PIEZO2: variants seen among roughly 807,000 people sequenced by gnomAD.
PIEZO2 encodes piezo-type mechanosensitive ion channel component 2.
A neutral mutation model predicts 337.3 loss-of-function variants in PIEZO2; 172 were observed. The observed-to-expected ratio is 0.51, with a 90% CI of 0.45 to 0.58. The LOEUF (loss-of-function observed/expected upper bound fraction) is 0.58. Ranked by LOEUF, PIEZO2 falls within the 20% of genes least tolerant of loss-of-function variation. The pLI, the probability that PIEZO2 is intolerant of heterozygous loss-of-function variation, is 0.00. For synonymous variants in PIEZO2, 1,251 were observed against 1,228.5 expected (o/e 1.02, Z -0.38); for missense variants, 3,028 against 3,391.3 (o/e 0.89, Z 2.66).
At chr18:11,130,965 A>G (rs1486824921) in intron 1 of PIEZO2, among the ~76,000 whole-genome samples, 1 of 152,222 alleles carries the variant, frequency 6.6e-6, no homozygotes, top group African/African-American at 2.4e-5. Flanking sequence ...AGCAGATCCA[A>G]TGGTGTTTGA....
chr18:10,683,235 CACTAGCCATAGATT>C (rs1290741812), intron 49 of PIEZO2, among the ~76,000 whole-genome samples: 2 of 152,242 alleles, frequency 1.3e-5, no homozygotes, highest in East Asian at 3.8e-4. Context: ...TACCCATAGG[CACTAGCCATAGATT>C]ACACACCAGG....
intron 9 of PIEZO2, among the ~76,000 whole-genome samples, chr18:10,802,542 T>C (rs1164853087): frequency 6.6e-6 from 1 of 152,236 alleles, no homozygotes; most frequent in East Asian, 1.9e-4. Context: ...TGCATATCTA[T>C]TTAATGTCTA....
intron 4 of PIEZO2, among the ~76,000 whole-genome samples, chr18:10,881,235 A>T (rs2042412120): frequency 6.6e-6 from 1 of 151,946 alleles, no homozygotes; most frequent in Admixed American, 6.5e-5. Context: ...ATATGTATGT[A>T]TGTATGTATG....
chr18:10,698,012 C>CGGATGCATTTGTGAACAAGTACTGA, intron 44 of PIEZO2, 132 bp from the exon 45 acceptor site: 1 of 1,062,350 alleles, frequency 9.4e-7, no homozygotes, highest in Non-Finnish European at 1.3e-6. Flanking sequence ...TGAGTATGCA[C>CGGATGCATTTGTGAACAAGTACTGA]GGCCTTGGGA....
chr18:10,732,176 C>T (rs2144077374), intron 35 of PIEZO2, among the ~76,000 whole-genome samples: 1 of 152,146 alleles, frequency 6.6e-6, no homozygotes, highest in South Asian at 2.1e-4. Context: ...TAACTGAGAA[C>T]CAGGAAAGAG....
intron 2 of PIEZO2, among the ~76,000 whole-genome samples, chr18:10,983,099 C>A (rs1269709477): frequency 2.0e-5 from 3 of 152,146 alleles, no homozygotes; most frequent in African/African-American, 7.2e-5. Flanking sequence ...CCATATATTG[C>A]TCAGAAACAT....
chr18:10,689,916 T>A, intron 48 of PIEZO2, 114 bp from the exon 49 acceptor site: 1 of 1,253,852 alleles, frequency 8.0e-7, no homozygotes, highest in Non-Finnish European at 1.1e-6. Context: ...TCAGAAACAA[T>A]TCTCTAGGTG....
At chr18:10,871,446 A>G (rs1598610385) in intron 4 of PIEZO2, 31 bp from the exon 5 acceptor site, 1 of 1,517,214 alleles carries the variant, frequency 6.6e-7, no homozygotes, top group Non-Finnish European at 8.8e-7. Flanking sequence ...GAGGGGAAAA[A>G]AATTTAGTTC....
Position 10,746,398 on chromosome 18 carries a change from G to A in PIEZO2, c.4424+2073C>T, listed in dbSNP as rs28464101. 2.9e-3 allele frequency among the ~76,000 whole-genome samples: 447 copies of A among 152,236 alleles called. 2 individuals carry two copies. Among genetic ancestry groups the A allele is most frequent in the African/African-American group, 0.01 (435 of 41,538 alleles). On this transcript the variant is annotated intron_variant, in intron 30 of 55. Coordinates refer to ENST00000674853, the MANE Select transcript of PIEZO2 (RefSeq NM_001378183.1). This position sits in a 1 kb window ranked among gnomAD's most constrained non-coding sequence, Gnocchi z 4.2. ...GAGCTTCTGATGGCTACTTCCCTCCGTAGTTTCACTGGGCTGCTTCCCCTG... is the reference window on the plus strand; with the variant it reads ...GAGCTTCTGATGGCTACTTCCCTCCATAGTTTCACTGGGCTGCTTCCCCTG...
chr18:10,843,134 A>C (rs2041246152), intron 7 of PIEZO2, among the ~76,000 whole-genome samples: 2 of 152,212 alleles, frequency 1.3e-5, no homozygotes, highest in Non-Finnish European at 2.9e-5. Context: ...GCTTATCTAC[A>C]ATCAAACTGA....
At chr18:10,674,896 G>A (rs969741782) in intron 54 of PIEZO2, among the ~76,000 whole-genome samples, 13 of 152,210 alleles carry the variant, frequency 8.5e-5, no homozygotes, top group Non-Finnish European at 1.6e-4. Flanking sequence ...GTATGAGGCA[G>A]TTTCCTGTCA....
At position 11,116,727 on chromosome 18, in the gene PIEZO2, G is replaced by GA. The variant is rs553057306; in HGVS notation, c.64+31797dup. Among the ~76,000 whole-genome samples, 3,294 of 144,386 alleles carry GA rather than the reference G, an allele frequency of 0.023. 61 individuals are homozygous for GA. The highest frequency in any genetic ancestry group is 0.055 in the Middle Eastern group (15 of 272). 94.7% of individuals were successfully genotyped at this position (144,386 alleles called of 152,430 possible). ...GAGACTCCGTCTCAAAAAAAACAAA[G>GA]AAAAAAAAAAATCATTCCATTTATC... is the stretch of plus-strand genomic sequence containing the variant. On this transcript the variant is annotated intron_variant, in intron 1 of 55. Coordinates refer to ENST00000674853, the MANE Select transcript of PIEZO2 (RefSeq NM_001378183.1). This position sits in a 1 kb window ranked among gnomAD's most constrained non-coding sequence, Gnocchi z 5.0.
In PIEZO2 at chr18:10,684,356, A is replaced by G. The variant is rs537657063; in HGVS notation, c.7498-2064T>C. 8.2e-3 allele frequency among the ~76,000 whole-genome samples: 1,233 copies of G among 150,328 alleles called. 13 individuals are homozygous for G. The highest frequency in any genetic ancestry group is 0.013 in the Non-Finnish European group (851 of 67,638). ...AATTTTTTGTATTTTTAGTAGAGAC[A>G]GGGTTTCACCATGTTAGCCAGGGTG... is the stretch of plus-strand genomic sequence containing the variant. On this transcript the variant is annotated intron_variant, in intron 49 of 55. Coordinates refer to ENST00000674853, the MANE Select transcript of PIEZO2 (RefSeq NM_001378183.1).
rs986182598 is a variant in PIEZO2, at chr18:10,853,418, C to T, written c.917+1935G>A. 6.6e-6 allele frequency among the ~76,000 whole-genome samples: 1 copy of T among 152,218 alleles called. No individual in the cohort carries two copies. The highest frequency in any genetic ancestry group is 2.4e-5 in the African/African-American group (1 of 41,462). On this transcript the variant is annotated intron_variant, in intron 7 of 55. Transcript: ENST00000674853. This position sits in a 1 kb window ranked among gnomAD's most constrained non-coding sequence, Gnocchi z 4.2. ...ATTGTCACTCATTCCTGCTCCAAAACTTGCCTCAGTCTCTCCTGCCTTATG... is the reference window on the plus strand; with the variant it reads ...ATTGTCACTCATTCCTGCTCCAAAATTTGCCTCAGTCTCTCCTGCCTTATG...
intron 4 of PIEZO2, among the ~76,000 whole-genome samples, chr18:10,900,707 A>G (rs1239685694): frequency 6.6e-6 from 1 of 152,102 alleles, no homozygotes; most frequent in Non-Finnish European, 1.5e-5. Flanking sequence ...TTGGTACCAA[A>G]CATCAACCAC....
intron 3 of PIEZO2, among the ~76,000 whole-genome samples, chr18:10,970,993 T>C (rs1278646372): frequency 6.6e-6 from 1 of 152,154 alleles, no homozygotes; most frequent in Non-Finnish European, 1.5e-5. Context: ...TTTCCACCGA[T>C]GGGAAGGACA....
chr18:10,716,789 C>G lies in PIEZO2; in HGVS notation c.5090-973G>C, dbSNP rs935611091. 3.3e-5 allele frequency among the ~76,000 whole-genome samples: 5 copies of G among 152,260 alleles called. No individual in the cohort carries two copies. The highest frequency in any genetic ancestry group is 6.5e-5 in the Admixed American group (1 of 15,296). On this transcript the variant is annotated intron_variant, in intron 37 of 55. Transcript: ENST00000674853. This position sits in a 1 kb window ranked among gnomAD's most constrained non-coding sequence, Gnocchi z 4.1. ...GAGGATGAAAGGCTTGGAGTTACAC[C>G]CATCAATGAACTTTAGGAGCTCCTT...
At chr18:10,932,067 A>G (rs1328508283) in intron 3 of PIEZO2, among the ~76,000 whole-genome samples, 1 of 152,236 alleles carries the variant, frequency 6.6e-6, no homozygotes, top group African/African-American at 2.4e-5. Flanking sequence ...TCTTCTGAAA[A>G]TTGTATTAGG....
In PIEZO2 at chr18:10,784,097, C is replaced by T. The variant is rs1183155872; in HGVS notation, c.2492+687G>A. The stretch of plus-strand genomic sequence containing the variant: ...AGAAAGGAAAACCATTGTCAGCGTT[C>T]ACTAAAAGAATGCTTGTGATCTCCC... On this transcript the variant is annotated intron_variant, in intron 17 of 55. Coordinates refer to ENST00000674853, the MANE Select transcript of PIEZO2 (RefSeq NM_001378183.1). The surrounding 1 kb of genome is among the most constrained non-coding windows in gnomAD (Gnocchi z 4.5). Among the ~76,000 whole-genome samples, 2 of 152,162 alleles carry T rather than the reference C, an allele frequency of 1.3e-5. No individual in the cohort carries two copies. Among genetic ancestry groups the T allele is most frequent in the African/African-American group, 2.4e-5 (1 of 41,448 alleles).
Sources: gnomAD v4.1 joint callset for allele counts (sites outside exome capture counted in the v4.1 genomes callset) on GRCh38, gnomAD v4.1.1 for gene constraint, Gnocchi (gnomAD v3.1) non-coding constraint, MANE v1.5 for transcripts, NCBI Gene and HGNC (gene_info 2026-07-23, HGNC 2026-07-21) for gene names.